The following GALNT14 variants were observed in gnomAD, a reference collection of about 807,000 sequenced individuals.
GALNT14 encodes the protein polypeptide N-acetylgalactosaminyltransferase 14.
Under a neutral mutation model 77.5 loss-of-function variants are expected in GALNT14, and 60 were observed. The ratio of observed to expected loss-of-function variants is 0.77; its 90% CI spans 0.63 to 0.96. The LOEUF is 0.96. Ranked by LOEUF, GALNT14 falls within the 40% of genes least tolerant of loss-of-function variation. GALNT14 has a pLI of 0.00. For missense variants in GALNT14, 710 were observed against 731.0 expected (o/e 0.97, Z 0.33); for synonymous variants, 280 against 281.7 (o/e 0.99, Z 0.06).
intron 11 of GALNT14, among the ~76,000 whole-genome samples, chr2:30,928,797 A>G (rs2148243879): frequency 6.6e-6 from 1 of 152,070 alleles, no homozygotes; most frequent in Non-Finnish European, 1.5e-5. Flanking sequence ...TTGTATTTTT[A>G]GTAGAGTTGG....
chr2:31,029,382 G>A (rs1010756650), intron 1 of GALNT14, among the ~76,000 whole-genome samples: 1 of 152,056 alleles, frequency 6.6e-6, no homozygotes, highest in Non-Finnish European at 1.5e-5. Context: ...CTCCACCACC[G>A]TCATCTTCAC....
the GALNT14 span, among the ~76,000 whole-genome samples, chr2:30,905,091 T>C: frequency 6.6e-6 from 1 of 151,792 alleles, no homozygotes; most frequent in Non-Finnish European, 1.5e-5. Context: ...CAAAAGTAAA[T>C]AAAACCACAA....
At chr2:30,990,750 G>A (rs1219313624) in intron 2 of GALNT14, among the ~76,000 whole-genome samples, 1 of 152,192 alleles carries the variant, frequency 6.6e-6, no homozygotes, top group Admixed American at 6.5e-5. Flanking sequence ...CACATTCAGA[G>A]TAAGTTCTTT....
At chr2:31,133,104 G>A (rs1443957495) in intron 1 of GALNT14, among the ~76,000 whole-genome samples, 1 of 151,206 alleles carries the variant, frequency 6.6e-6, no homozygotes, top group Admixed American at 6.6e-5. Flanking sequence ...CTACCCGCCA[G>A]ATTATCCTTA....
At chr2:31,116,970 G>A (rs564968800) in intron 1 of GALNT14, among the ~76,000 whole-genome samples, 2 of 152,194 alleles carry the variant, frequency 1.3e-5, no homozygotes, top group African/African-American at 4.8e-5. Context: ...CCAAGAGGCA[G>A]AGGTTACAGA....
At chr2:31,063,627 T>C (rs1251260282) in intron 1 of GALNT14, among the ~76,000 whole-genome samples, 1 of 152,242 alleles carries the variant, frequency 6.6e-6, no homozygotes, top group Non-Finnish European at 1.5e-5. Context: ...GGGAATTGCA[T>C]TGAATCTATT....
intron 1 of GALNT14, among the ~76,000 whole-genome samples, chr2:31,066,550 T>C (rs1028736151): frequency 1.1e-4 from 17 of 152,160 alleles, no homozygotes; most frequent in Non-Finnish European, 2.4e-4. Flanking sequence ...TGAGCACTCT[T>C]CCCTCAGAAA....
intron 9 of GALNT14, among the ~76,000 whole-genome samples, chr2:30,937,153 G>A (rs572169951): frequency 2.0e-5 from 3 of 152,326 alleles, no homozygotes; most frequent in Non-Finnish European, 4.4e-5. Flanking sequence ...GAAAGGGTGA[G>A]GCTGAAAGAG....
intron 11 of GALNT14, among the ~76,000 whole-genome samples, chr2:30,928,988 A>G (rs1665556806): frequency 6.6e-6 from 1 of 152,150 alleles, no homozygotes; most frequent in African/African-American, 2.4e-5. Flanking sequence ...GCTGTAGAGG[A>G]CACATCTATA....
At chr2:30,912,806 T>C (rs923028154) in intron 13 of GALNT14, among the ~76,000 whole-genome samples, 1 of 152,038 alleles carries the variant, frequency 6.6e-6, no homozygotes, top group Non-Finnish European at 1.5e-5. Flanking sequence ...TCCAAGTCAG[T>C]GTCCAGAGCA....
chr2:30,889,286 C>T, the GALNT14 span, among the ~76,000 whole-genome samples: 1 of 152,160 alleles, frequency 6.6e-6, no homozygotes, highest in Non-Finnish European at 1.5e-5. Context: ...TACTCAGGAG[C>T]TGCGGTGTTT....
chr2:30,945,736 G>T, intron 7 of GALNT14, 47 bp downstream of exon 7: 1 of 1,466,770 alleles, frequency 6.8e-7, no homozygotes, highest in Non-Finnish European at 9.6e-7. Context: ...CAGTGACTGA[G>T]AGGAAAAGAA....
At chr2:31,057,848 T>C (rs1369772854) in intron 1 of GALNT14, among the ~76,000 whole-genome samples, 1 of 152,102 alleles carries the variant, frequency 6.6e-6, no homozygotes, top group African/African-American at 2.4e-5. Context: ...CTCAGCCCTC[T>C]GGCTTAGGGT....
At chr2:31,132,261 A>G (rs1218947307) in intron 1 of GALNT14, among the ~76,000 whole-genome samples, 1 of 152,224 alleles carries the variant, frequency 6.6e-6, no homozygotes, top group Non-Finnish European at 1.5e-5. Flanking sequence ...ATTTCTCACC[A>G]TACCCATGGG....
chr2:31,043,496 G>A (rs1673229669), intron 1 of GALNT14, among the ~76,000 whole-genome samples: 1 of 152,094 alleles, frequency 6.6e-6, no homozygotes, highest in Non-Finnish European at 1.5e-5. Context: ...AAACAAGAGG[G>A]GAAAATCCAC....
chr2:31,088,770 T>C (rs1308748330), intron 1 of GALNT14, among the ~76,000 whole-genome samples: 1 of 152,142 alleles, frequency 6.6e-6, no homozygotes, highest in Non-Finnish European at 1.5e-5. Flanking sequence ...ATGGGAATGA[T>C]GTACTGAGAT....
At chr2:31,125,377 G>T in intron 1 of GALNT14, 1 of 719,488 alleles carries the variant, frequency 1.4e-6, no homozygotes. Flanking sequence ...TCTGGATCCA[G>T]CCTTGAAAGA....
chr2:30,967,889 A>T (rs1668107640), intron 2 of GALNT14, among the ~76,000 whole-genome samples: 1 of 152,176 alleles, frequency 6.6e-6, no homozygotes, highest in African/African-American at 2.4e-5. Context: ...TCAGTCTTGT[A>T]TGCTGCCATG....
chr2:30,899,758 T>C, the GALNT14 span, among the ~76,000 whole-genome samples: 26 of 152,340 alleles, frequency 1.7e-4, no homozygotes, highest in East Asian at 4.6e-3. Flanking sequence ...GTCGGCTCCA[T>C]GGCAAATGGA....
Sources: allele counts gnomAD v4.1 joint callset (sites outside exome capture counted in the v4.1 genomes callset), GRCh38; gene constraint gnomAD v4.1.1; transcripts MANE v1.5; gene names NCBI Gene and HGNC (gene_info 2026-07-23, HGNC 2026-07-21).